F13A1: variants seen among roughly 807,000 people sequenced by gnomAD.
F13A1 encodes FSF, A subunit.
In F13A1, 47 loss-of-function variants were observed where a neutral mutation model predicts 80.1. The ratio of observed to expected loss-of-function variants is 0.59; its 90% CI spans 0.46 to 0.75. The LOEUF (loss-of-function observed/expected upper bound fraction) is 0.75. Among genes scored for constraint, F13A1 ranks in the 30% least tolerant of loss-of-function variants. The probability of loss-of-function intolerance (pLI) is 0.00; values close to 1 mark genes in which losing one functional copy is unlikely to be tolerated. For synonymous variants in F13A1, 349 were observed against 344.9 expected (o/e 1.01, Z -0.13); for missense variants, 817 against 930.4 (o/e 0.88, Z 1.59).
chr6:6,173,801 G>A (rs926278264), intron 12 of F13A1, among the ~76,000 whole-genome samples: 1 of 152,246 alleles, frequency 6.6e-6, no homozygotes, highest in Admixed American at 6.5e-5. Flanking sequence ...TTGGGCGAGA[G>A]GCACCAGCAG....
At chr6:6,173,415 T>C (rs1241552231) in intron 12 of F13A1, among the ~76,000 whole-genome samples, 3 of 149,148 alleles carry the variant, frequency 2.0e-5, no homozygotes, top group Non-Finnish European at 4.5e-5. Flanking sequence ...TTTTCTTTTT[T>C]TTTTTTTTTT....
At chr6:6,190,332 G>T (rs1761162891) in intron 10 of F13A1, among the ~76,000 whole-genome samples, 1 of 152,306 alleles carries the variant, frequency 6.6e-6, no homozygotes, top group Admixed American at 6.5e-5. Flanking sequence ...TTTCTGCTCT[G>T]TTTTTTCCCC....
intron 6 of F13A1, among the ~76,000 whole-genome samples, chr6:6,240,313 A>G (rs1757468282): frequency 6.6e-6 from 1 of 152,166 alleles, no homozygotes; most frequent in Non-Finnish European, 1.5e-5. Flanking sequence ...ACTTCATTAC[A>G]CTGCTGGCTT....
intron 2 of F13A1, among the ~76,000 whole-genome samples, chr6:6,316,035 G>C (rs1758674834): frequency 8.0e-6 from 1 of 124,998 alleles, no homozygotes. Flanking sequence ...CCAGGAGATA[G>C]ACCTCCTTGT....
intron 4 of F13A1, among the ~76,000 whole-genome samples, chr6:6,261,006 T>C (rs1757772510): frequency 6.6e-6 from 1 of 152,222 alleles, no homozygotes; most frequent in African/African-American, 2.4e-5. Flanking sequence ...TCTCACTCTG[T>C]GGCCCAGGCT....
At chr6:6,199,913 C>T (rs1334412842) in intron 8 of F13A1, among the ~76,000 whole-genome samples, 3 of 152,118 alleles carry the variant, frequency 2.0e-5, no homozygotes, top group Non-Finnish European at 4.4e-5. Context: ...GGGATACAAC[C>T]CACAGGTTTA....
intron 2 of F13A1, among the ~76,000 whole-genome samples, chr6:6,316,426 GT>G (rs1758687752): frequency 6.6e-6 from 1 of 151,818 alleles, no homozygotes; most frequent in South Asian, 2.1e-4. Context: ...TGTCACTTGG[GT>G]TGTGGACACA....
intron 13 of F13A1, among the ~76,000 whole-genome samples, chr6:6,158,971 A>G (rs4959373): frequency 0.13 from 19,218 of 145,578 alleles, 1,410 homozygotes; most frequent in Middle Eastern, 0.17. Context: ...GTGTGATCTC[A>G]GCTCACTGCA....
In F13A1 at chr6:6,195,816, G is replaced by A. The variant is rs143513902; in HGVS notation, c.1286C>T (p.Ala429Val). The A allele has an allele frequency of 3.5e-5, 57 of 1,614,038 alleles. No homozygotes were observed. The highest frequency in any genetic ancestry group is 4.6e-5 in the Non-Finnish European group (54 of 1,180,030). The change falls in exon 10 of 15, where the codon GCA (alanine) becomes GTA (valine). Residue 429 changes from alanine (A) to valine (V), a missense_variant. Transcript: ENST00000264870. ...KHGHVCFQFD[A>V]PFVFAEVNSD... ...GCTTACCTCTGCAAAAACAAAAGGT[G>A]CATCAAATTGGAAGCAGACATGGCC...
intron 10 of F13A1, among the ~76,000 whole-genome samples, chr6:6,184,968 T>C (rs1444595273): frequency 1.3e-5 from 2 of 152,150 alleles, no homozygotes; most frequent in Non-Finnish European, 2.9e-5. Context: ...CTATTCTGGT[T>C]GTACTAGGGA....
intron 10 of F13A1, among the ~76,000 whole-genome samples, chr6:6,190,210 T>C (rs1761160385): frequency 6.6e-6 from 1 of 152,174 alleles, no homozygotes; most frequent in African/African-American, 2.4e-5. Flanking sequence ...GTCTGAAGCC[T>C]TCTTCTCTCA....
intron 1 of F13A1, 106 bp downstream of exon 1, chr6:6,320,481 G>A: frequency 5.9e-6 from 2 of 338,992 alleles, no homozygotes; most frequent in South Asian, 4.7e-5. Context: ...TGTGACCGGC[G>A]CCACAGGGCC....
At position 6,248,377 on chromosome 6, in the gene F13A1, T is replaced by C. The variant is rs777549119; in HGVS notation, c.733A>G (p.Arg245Gly). The change falls in exon 6 of 15, where the codon AGA becomes GGA. Residue 245 changes from arginine (R) to glycine (G), a missense_variant. Arg to Gly is a moderately radical substitution (Grantham distance 125). Transcript: ENST00000264870. ...CTTCCAGAGAGGTCCATTTGTGCTC[T>C]GTCCATCACATACAGGCAAGTGTCC... ...ILDTCLYVMD[R>G]AQMDLSGRGN... The C allele has an allele frequency of 5.6e-6, 9 of 1,613,946 alleles. No individual in the cohort carries two copies. The highest frequency in any genetic ancestry group is 1.1e-5 in the South Asian group (1 of 91,080).
At chr6:6,307,861 C>T (rs943146716) in intron 2 of F13A1, among the ~76,000 whole-genome samples, 4 of 152,096 alleles carry the variant, frequency 2.6e-5, no homozygotes, top group African/African-American at 7.2e-5. Flanking sequence ...CTGACATCTG[C>T]TTCCTTGTAA....
intron 3 of F13A1, among the ~76,000 whole-genome samples, chr6:6,293,960 A>G (rs1758275329): frequency 6.6e-6 from 1 of 152,294 alleles, no homozygotes; most frequent in East Asian, 1.9e-4. Flanking sequence ...ATGAGAGAGC[A>G]ACCTCAACAA....
chr6:6,213,077 A>C (rs1761649047), intron 8 of F13A1, among the ~76,000 whole-genome samples: 1 of 152,240 alleles, frequency 6.6e-6, no homozygotes, highest in Non-Finnish European at 1.5e-5. Flanking sequence ...AGTGACGGGG[A>C]GAATGGAACC....
intron 4 of F13A1, among the ~76,000 whole-genome samples, chr6:6,254,021 C>G (rs1468101103): frequency 6.6e-6 from 1 of 152,054 alleles, no homozygotes; most frequent in Non-Finnish European, 1.5e-5. Context: ...AGAAACATAA[C>G]GTTCAATAAA....
At chr6:6,297,585 G>T (rs1758350277) in intron 3 of F13A1, among the ~76,000 whole-genome samples, 1 of 149,706 alleles carries the variant, frequency 6.7e-6, no homozygotes, top group African/African-American at 2.5e-5. Flanking sequence ...TGTGGGATCG[G>T]TGGTGATATC....
chr6:6,311,317 A>C (rs1742943), intron 2 of F13A1, among the ~76,000 whole-genome samples: 81,644 of 151,898 alleles, frequency 0.54, 23,256 homozygotes, highest in East Asian at 0.85. Flanking sequence ...AATGTCATTT[A>C]CCATTTTATT....
Sources: allele counts gnomAD v4.1 joint callset (sites outside exome capture counted in the v4.1 genomes callset), GRCh38; gene constraint gnomAD v4.1.1; transcripts MANE v1.5; gene names NCBI Gene and HGNC (gene_info 2026-07-23, HGNC 2026-07-21).